Variants in SEC22B observed in about 807,000 individuals in gnomAD.
SEC22B encodes vesicle-trafficking protein SEC22b.
Under a neutral mutation model 31.4 loss-of-function variants are expected in SEC22B, and 10 were observed. The observed-to-expected ratio is 0.32, with a 90% confidence interval of 0.20 to 0.54. SEC22B has a LOEUF of 0.54. Among genes scored for constraint, SEC22B ranks in the 20% least tolerant of loss-of-function variants. The probability of loss-of-function intolerance (pLI) is 0.94; values close to 1 mark genes in which losing one functional copy is unlikely to be tolerated. For missense variants in SEC22B, 130 were observed against 263.4 expected (o/e 0.49, Z 3.50); for synonymous variants, 60 against 95.9 (o/e 0.63, Z 2.19).
At chr1:120,160,599 T>C (rs1218193813) in intron 3 of SEC22B, 69 bp from the exon 4 acceptor site, 14 of 1,440,430 alleles carry the variant, frequency 9.7e-6, no homozygotes, top group Non-Finnish European at 1.3e-5. Context: ...AGATTAAAAG[T>C]TCTGAGTTGG....
rs1387820647 is a variant in SEC22B, at chr1:120,151,645, G to A, written c.*5393C>T. On this transcript the variant is annotated 3_prime_UTR_variant, in exon 5 of 5. Transcript: ENST00000578049. ...CGCGCCACTGCACTCTAGCCTCGGC[G>A]ACAGAGCAAGACTAAAAATAAAAAT... The A allele has an allele frequency of 3.3e-5, 5 of 150,562 alleles. No individual in the cohort carries two copies. The highest frequency in any genetic ancestry group is 2.2e-4 in the South Asian group (1 of 4,562). 9.3% of individuals were successfully genotyped at this position (150,562 alleles called of 1,614,324 possible). A position where few individuals can be genotyped will look rare whatever the true frequency, so the allele number is the denominator to read the frequency against.
At chr1:120,166,420 C>CACACAT (rs1235018275) in intron 2 of SEC22B, among the ~76,000 whole-genome samples, 1,081 of 148,112 alleles carry the variant, frequency 7.3e-3, no homozygotes, top group African/African-American at 0.022. Context: ...CACACACACA[C>CACACAT]ACACACACAC....
intron 2 of SEC22B, among the ~76,000 whole-genome samples, chr1:120,167,324 A>G (rs1657828445): frequency 6.6e-6 from 1 of 151,976 alleles, no homozygotes; most frequent in Admixed American, 6.6e-5. Context: ...ATATATTTTA[A>G]TAAACCAAAT....
intron 2 of SEC22B, among the ~76,000 whole-genome samples, chr1:120,165,692 T>C (rs1204277916): frequency 3.3e-5 from 5 of 152,088 alleles, no homozygotes; most frequent in Middle Eastern, 3.2e-3. Context: ...TTTAGTTTAA[T>C]ACAGTCCCAT....
At position 120,155,856 on chromosome 1, in the gene SEC22B, T is replaced by C. The variant is rs1437847824; in HGVS notation, c.*1182A>G. 6.6e-6 allele frequency: 1 copy of C among 151,642 alleles called. No homozygotes were observed. The highest frequency in any genetic ancestry group is 1.5e-5 in the Non-Finnish European group (1 of 67,808). 9.4% of individuals were successfully genotyped at this position (151,642 alleles called of 1,614,324 possible). A position where few individuals can be genotyped will look rare whatever the true frequency, so the allele number is the denominator to read the frequency against. On this transcript the variant is annotated 3_prime_UTR_variant, in exon 5 of 5. Coordinates refer to ENST00000578049, the MANE Select transcript of SEC22B (RefSeq NM_004892.6). The stretch of plus-strand genomic sequence containing the variant: ...AATCATGGGTACTTTAATTAGTTAA[T>C]AGAAACCACTGTAAATGAGTTATCT...
chr1:120,163,716 C>CA (rs1657756778), intron 2 of SEC22B, among the ~76,000 whole-genome samples: 1 of 151,894 alleles, frequency 6.6e-6, no homozygotes, highest in East Asian at 1.9e-4. Flanking sequence ...GCTGGGACTA[C>CA]AGGCGTGCGC....
chr1:120,169,634 A>G (rs1257284785), intron 1 of SEC22B, among the ~76,000 whole-genome samples: 7 of 147,574 alleles, frequency 4.7e-5, no homozygotes, highest in African/African-American at 1.8e-4. Context: ...TTCCTGAACA[A>G]TTTCTAACTG....
chr1:120,176,150 T>C (rs1553230178), intron 1 of SEC22B, 157 bp downstream of exon 1: 11 of 176,786 alleles, frequency 6.2e-5, no homozygotes, highest in Non-Finnish European at 9.9e-5. Context: ...TCTTCGCCGG[T>C]AGTCTCTCCT....
At chr1:120,161,027 T>C (rs1277510087) in intron 3 of SEC22B, among the ~76,000 whole-genome samples, 2 of 152,240 alleles carry the variant, frequency 1.3e-5, no homozygotes, top group Non-Finnish European at 2.9e-5. Flanking sequence ...AAAGGTATAA[T>C]TAGACGACCA....
chr1:120,160,714 C>T (rs1323184574), intron 3 of SEC22B, among the ~76,000 whole-genome samples, 184 bp from the exon 4 acceptor site: 3 of 151,888 alleles, frequency 2.0e-5, no homozygotes, highest in African/African-American at 4.8e-5. Context: ...ACAGTGAAAC[C>T]CCGTCTCTAC....
At chr1:120,171,919 T>A (rs1191905347) in intron 1 of SEC22B, among the ~76,000 whole-genome samples, 1 of 151,758 alleles carries the variant, frequency 6.6e-6, no homozygotes, top group Non-Finnish European at 1.5e-5. Flanking sequence ...GTATCGATTA[T>A]GTGCAATTCT....
intron 3 of SEC22B, among the ~76,000 whole-genome samples, chr1:120,162,311 T>C (rs1282034842): frequency 9.3e-5 from 9 of 96,994 alleles, no homozygotes; most frequent in African/African-American, 3.6e-4. Context: ...CCCTGATACA[T>C]TTGTCTTATT....
At chr1:120,168,334 C>G (rs1258381148) in intron 2 of SEC22B, among the ~76,000 whole-genome samples, 1 of 151,442 alleles carries the variant, frequency 6.6e-6, no homozygotes, top group Non-Finnish European at 1.5e-5. Flanking sequence ...TTAAGATGCT[C>G]TTATCTTTTA....
chr1:120,169,140 C>T (rs1471233080), intron 1 of SEC22B, among the ~76,000 whole-genome samples, 191 bp from the exon 2 acceptor site: 4 of 152,106 alleles, frequency 2.6e-5, no homozygotes, highest in Non-Finnish European at 5.9e-5. Context: ...TCAAGATGAT[C>T]GCATTAGTTA....
At chr1:120,167,245 C>T (rs1298474035) in intron 2 of SEC22B, among the ~76,000 whole-genome samples, 2 of 151,220 alleles carry the variant, frequency 1.3e-5, no homozygotes, top group African/African-American at 2.4e-5. Flanking sequence ...CTAATACCTA[C>T]AAAATAAAAT....
intron 2 of SEC22B, among the ~76,000 whole-genome samples, chr1:120,166,432 A>ACCG (rs1657812489): frequency 7.8e-6 from 1 of 127,970 alleles, no homozygotes; most frequent in African/African-American, 2.8e-5. Flanking sequence ...CACACACACC[A>ACCG]TGGAATACTA....
In SEC22B at chr1:120,153,252, C is replaced by T. The variant is rs1182374065; in HGVS notation, c.*3786G>A. 3 of 144,060 alleles carry T rather than the reference C, an allele frequency of 2.1e-5. No individual in the cohort carries two copies. The highest frequency in any genetic ancestry group is 6.7e-5 in the Admixed American group (1 of 14,958). 8.9% of individuals were successfully genotyped at this position (144,060 alleles called of 1,614,324 possible). On this transcript the variant is annotated 3_prime_UTR_variant, in exon 5 of 5. Coordinates refer to ENST00000578049, the MANE Select transcript of SEC22B (RefSeq NM_004892.6). ...CCTGAGCCATCTGGGAAAAAACCAA[C>T]CAACCAACCAACCAAACAAAAGAAA...
rs1183512735 is a variant in SEC22B at position 120,167,044 on chromosome 1, G to C, written c.185+1796C>G. ...TGAGGCATCCTAGGGCTCCATAAAG[G>C]ATAAAGACTATTATATGATCTCTCA... On this transcript the variant is annotated intron_variant, in intron 2 of 4. Transcript: ENST00000578049. Among the ~76,000 whole-genome samples the C allele has an allele frequency of 3.4e-5, 5 of 149,124 alleles. No homozygotes were observed. The South Asian group carries it at 8.5e-4, about 25-fold the overall frequency.
At chr1:120,158,059 C>A (rs1657657559) in intron 4 of SEC22B, 2 of 133,496 alleles carry the variant, frequency 1.5e-5, no homozygotes, top group Non-Finnish European at 3.0e-5. Context: ...ATAATAAACA[C>A]AAACTCTCCA....
Sources: gnomAD v4.1 joint callset for allele counts (sites outside exome capture counted in the v4.1 genomes callset) on GRCh38, gnomAD v4.1.1 for gene constraint, MANE v1.5 for transcripts, NCBI Gene and HGNC (gene_info 2026-07-23, HGNC 2026-07-21) for gene names.